Variants in MXI1 observed in about 807,000 individuals in gnomAD.
The protein encoded by MXI1 is MAX interactor 1, dimerization protein, also known as max-interacting protein 1.
A neutral mutation model predicts 36.9 loss-of-function variants in MXI1; 18 were observed. The observed-to-expected ratio is 0.49, with a 90% CI of 0.34 to 0.72. The LOEUF (loss-of-function observed/expected upper bound fraction) is 0.72, where lower values mean the gene tolerates loss of function less well. Ranked by LOEUF, MXI1 falls within the 30% of genes least tolerant of loss-of-function variation. MXI1 has a pLI of 0.01. For synonymous variants in MXI1, 160 were observed against 146.7 expected (o/e 1.09, Z -0.65); for missense variants, 304 against 379.1 (o/e 0.80, Z 1.64).
At chr10:110,243,037 A>G (rs1329119613) in intron 2 of MXI1, among the ~76,000 whole-genome samples, 1 of 152,004 alleles carries the variant, frequency 6.6e-6, no homozygotes, top group African/African-American at 2.4e-5. Context: ...CAAATTTTGA[A>G]TTATATTTTT....
intron 2 of MXI1, among the ~76,000 whole-genome samples, chr10:110,243,016 GATTA>G (rs1302277814): frequency 6.6e-6 from 1 of 151,908 alleles, no homozygotes; most frequent in Non-Finnish European, 1.5e-5. Flanking sequence ...TCTTACTATT[GATTA>G]TTTATTCAAA....
intron 3 of MXI1, among the ~76,000 whole-genome samples, chr10:110,263,683 T>A (rs950377773): frequency 6.6e-6 from 1 of 152,242 alleles, no homozygotes; most frequent in African/African-American, 2.4e-5. Flanking sequence ...TAATTTGATA[T>A]AGCATCTTTG....
intron 3 of MXI1, among the ~76,000 whole-genome samples, chr10:110,272,757 T>C (rs1247242564): frequency 6.6e-6 from 1 of 151,278 alleles, no homozygotes; most frequent in Admixed American, 6.6e-5. Flanking sequence ...TGTTAATATT[T>C]CTATTTGATT....
chr10:110,234,845 C>A (rs1855399943), intron 2 of MXI1, among the ~76,000 whole-genome samples: 1 of 152,072 alleles, frequency 6.6e-6, no homozygotes, highest in African/African-American at 2.4e-5. Flanking sequence ...TCTAGTGTTG[C>A]TGCCTTACCT....
At chr10:110,227,625 G>C in intron 1 of MXI1, 1 of 906,206 alleles carries the variant, frequency 1.1e-6, no homozygotes, top group Non-Finnish European at 1.3e-6. Flanking sequence ...CACTGAGCGG[G>C]GGAAAACCGG....
chr10:110,222,598 T>A (rs966035470), intron 1 of MXI1, among the ~76,000 whole-genome samples: 2 of 152,170 alleles, frequency 1.3e-5, no homozygotes, highest in Non-Finnish European at 2.9e-5. Flanking sequence ...GGGGACTTTC[T>A]CCATTTTCAA....
chr10:110,281,291 C>T (rs1029188906), intron 5 of MXI1, among the ~76,000 whole-genome samples: 2 of 152,116 alleles, frequency 1.3e-5, no homozygotes, highest in African/African-American at 4.8e-5. Flanking sequence ...TAGTATGTAT[C>T]TTGAATAAAT....
At chr10:110,221,629 G>A (rs1277907890) in intron 1 of MXI1, among the ~76,000 whole-genome samples, 1 of 152,180 alleles carries the variant, frequency 6.6e-6, no homozygotes, top group East Asian at 1.9e-4. Flanking sequence ...GCTGTAATAA[G>A]GGCCATTTAA....
At chr10:110,258,069 A>G (rs1856380622) in intron 3 of MXI1, among the ~76,000 whole-genome samples, 1 of 152,222 alleles carries the variant, frequency 6.6e-6, no homozygotes, top group African/African-American at 2.4e-5. Context: ...TTAAGATGTA[A>G]CAGAATATAA....
chr10:110,270,303 A>T (rs1856815822), intron 3 of MXI1, among the ~76,000 whole-genome samples: 1 of 152,222 alleles, frequency 6.6e-6, no homozygotes, highest in Admixed American at 6.5e-5. Flanking sequence ...CAGATAAGAG[A>T]GGGGAAGTAT....
chr10:110,246,309 A>AGT (rs1486556104), intron 3 of MXI1, among the ~76,000 whole-genome samples: 1 of 152,050 alleles, frequency 6.6e-6, no homozygotes, highest in Non-Finnish European at 1.5e-5. Context: ...TGTGACAGAG[A>AGT]GTGAGACCCT....
chr10:110,223,299 T>C (rs903072665), intron 1 of MXI1, among the ~76,000 whole-genome samples: 46 of 152,200 alleles, frequency 3.0e-4, no homozygotes, highest in Non-Finnish European at 5.4e-4. Context: ...TTACCTCCTA[T>C]TGAGAAAAGT....
chr10:110,280,832 C>T (rs1365750849), intron 5 of MXI1, among the ~76,000 whole-genome samples: 2 of 152,106 alleles, frequency 1.3e-5, no homozygotes, highest in African/African-American at 4.8e-5. Flanking sequence ...TCCATCTATC[C>T]TAGAATATTT....
Position 110,287,365 on chromosome 10 carries a change from A to G in MXI1, c.*2378A>G, listed in dbSNP as rs1857444679. ...AAGAAATAAAAACTGTGAACGAAGA[A>G]TACCTTTCTTTTTGTACCATCCTTC... On this transcript the variant is annotated 3_prime_UTR_variant, in exon 6 of 6. Coordinates refer to ENST00000332674, the MANE Select transcript of MXI1 (RefSeq NM_130439.3). The G allele has an allele frequency of 6.6e-6, 1 of 152,206 alleles. No homozygotes were observed. Among genetic ancestry groups the G allele is most frequent in the Non-Finnish European group, 1.5e-5 (1 of 68,032 alleles). The allele number at this position is 152,206 out of a possible 1,614,324, so 9.4% of individuals were successfully genotyped here.
At chr10:110,226,462 G>A (rs1323887680) in intron 1 of MXI1, 2 of 325,430 alleles carry the variant, frequency 6.1e-6, no homozygotes, top group Non-Finnish European at 7.2e-6. Context: ...GGGGAGGGGC[G>A]TGTGGGGAGG....
intron 3 of MXI1, among the ~76,000 whole-genome samples, chr10:110,253,224 T>C (rs1293490467): frequency 6.6e-6 from 1 of 152,140 alleles, no homozygotes; most frequent in Non-Finnish European, 1.5e-5. Context: ...ATTAGTTCTG[T>C]TTATTCCAAT....
intron 3 of MXI1, among the ~76,000 whole-genome samples, chr10:110,250,626 G>A (rs1856043405): frequency 1.3e-5 from 2 of 152,020 alleles, no homozygotes; most frequent in African/African-American, 4.8e-5. Flanking sequence ...GAGGCCAGGA[G>A]TTTGAGACTA....
chr10:110,218,965 T>C (rs1318388), intron 1 of MXI1, among the ~76,000 whole-genome samples: 134,469 of 152,214 alleles, frequency 0.88, 59,749 homozygotes, highest in East Asian at 1. Context: ...CCAACCACTT[T>C]CTCTCGCTGA....
At chr10:110,209,142 C>T (rs1282422747) in intron 1 of MXI1, among the ~76,000 whole-genome samples, 1 of 152,100 alleles carries the variant, frequency 6.6e-6, no homozygotes, top group Non-Finnish European at 1.5e-5. Context: ...CCCAGGCAGT[C>T]GACTCAGCGC....
Sources: gnomAD v4.1 joint callset for allele counts (sites outside exome capture counted in the v4.1 genomes callset) on GRCh38, gnomAD v4.1.1 for gene constraint, MANE v1.5 for transcripts, NCBI Gene and HGNC (gene_info 2026-07-23, HGNC 2026-07-21) for gene names.